Variants in COG5 observed in about 807,000 individuals in gnomAD.
COG5 encodes the protein conserved oligomeric Golgi complex subunit 5.
COG5 carries 86 observed loss-of-function variants against 110.4 expected under a neutral mutation model. The observed-to-expected ratio is 0.78, with a 90% CI of 0.65 to 0.93. COG5 has a LOEUF of 0.93. Among genes scored for constraint, COG5 ranks in the 40% least tolerant of loss-of-function variants. The pLI, the probability that COG5 is intolerant of heterozygous loss-of-function variation, is 0.00. For synonymous variants in COG5, 360 were observed against 334.6 expected, an observed-to-expected ratio of 1.08 and a Z score of -0.83; for missense variants, 1,077 against 987.0, an observed-to-expected ratio of 1.09 and a Z score of -1.22.
intron 5 of COG5, 125 bp from the exon 6 acceptor site, chr7:107,527,482 T>A: frequency 1.0e-6 from 1 of 992,622 alleles, no homozygotes; most frequent in Non-Finnish European, 1.5e-6. Flanking sequence ...TTTACCTATG[T>A]AACAAACCTG....
chr7:107,390,684 G>A (rs779107311), intron 7 of COG5, among the ~76,000 whole-genome samples: 9 of 150,590 alleles, frequency 6.0e-5, no homozygotes, highest in Non-Finnish European at 1.2e-4. Context: ...TTAGACCCCC[G>A]CTCCTGGGGG....
At chr7:107,517,233 G>A (rs1200467266) in intron 6 of COG5, among the ~76,000 whole-genome samples, 1 of 151,960 alleles carries the variant, frequency 6.6e-6, no homozygotes, top group African/African-American at 2.4e-5. Context: ...TCAAGTGGAA[G>A]AAAGGATATC....
chr7:107,558,914 C>CAAAA (rs34483652), intron 1 of COG5, among the ~76,000 whole-genome samples: 18 of 31,150 alleles, frequency 5.8e-4, no homozygotes, highest in East Asian at 1.0e-3. Flanking sequence ...GACTTCATCT[C>CAAAA]AAAAAAAAAA....
intron 6 of COG5, among the ~76,000 whole-genome samples, chr7:107,491,550 T>C (rs1174818877): frequency 1.3e-5 from 2 of 152,204 alleles, no homozygotes; most frequent in East Asian, 1.9e-4. Context: ...GGAAAAAATA[T>C]GGCTTTCATT....
intron 19 of COG5, among the ~76,000 whole-genome samples, chr7:107,228,283 G>T (rs1800510524): frequency 6.7e-6 from 1 of 148,536 alleles, no homozygotes; most frequent in Admixed American, 6.7e-5. Context: ...CTCTAACCTG[G>T]GTGACAGAGT....
chr7:107,323,132 T>C (rs1243116602), intron 11 of COG5, among the ~76,000 whole-genome samples: 2 of 152,210 alleles, frequency 1.3e-5, no homozygotes, highest in African/African-American at 4.8e-5. Flanking sequence ...AATTGGTGAC[T>C]TTTACTGCAT....
intron 6 of COG5, among the ~76,000 whole-genome samples, chr7:107,455,784 G>C (rs757347730): frequency 6.6e-6 from 1 of 151,610 alleles, no homozygotes; most frequent in Non-Finnish European, 1.5e-5. Flanking sequence ...AAACTGTCCA[G>C]AGCAGATCTG....
At chr7:107,406,730 G>GT (rs1278802406) in intron 7 of COG5, among the ~76,000 whole-genome samples, 6 of 152,026 alleles carry the variant, frequency 3.9e-5, no homozygotes, top group Admixed American at 3.3e-4. Context: ...TTTCAAAAAC[G>GT]TTGGTACTGT....
Position 107,211,213 on chromosome 7 carries a change from G to T in COG5, c.2181C>A (p.Phe727Leu). The change falls in exon 20 of 22, where the codon TTC becomes TTA. Residue 727 changes from phenylalanine (F) to leucine (L), a missense_variant. Coordinates refer to ENST00000297135, the MANE Select transcript of COG5 (RefSeq NM_006348.5). ...RMLRSFRPLL[F>L]QASEHVASSP... is the part of the protein sequence containing the mutation. ...TACTGGCTACATGTTCACTTGCCTG[G>T]AAGAGCAGAGGTCTAGACGGGAAAA... 1 of 1,614,058 alleles carries T rather than the reference G, an allele frequency of 6.2e-7. No homozygotes were observed.
At chr7:107,266,098 G>A (rs1271306233) in intron 14 of COG5, among the ~76,000 whole-genome samples, 2 of 151,930 alleles carry the variant, frequency 1.3e-5, no homozygotes, top group Non-Finnish European at 2.9e-5. Flanking sequence ...GTGTGTGTGA[G>A]AGAGTTTGTA....
At chr7:107,523,838 T>C (rs1006309787) in intron 6 of COG5, among the ~76,000 whole-genome samples, 6 of 150,392 alleles carry the variant, frequency 4.0e-5, no homozygotes, top group South Asian at 2.1e-4. Context: ...AAAAAAAGAA[T>C]GTAAACATTA....
At chr7:107,312,320 T>C (rs1808339340) in intron 11 of COG5, among the ~76,000 whole-genome samples, 1 of 152,228 alleles carries the variant, frequency 6.6e-6, no homozygotes, top group African/African-American at 2.4e-5. Context: ...TTGTGTTCTC[T>C]GACAGGACTA....
intron 7 of COG5, among the ~76,000 whole-genome samples, chr7:107,378,544 G>A (rs982317533): frequency 2.0e-5 from 3 of 152,076 alleles, no homozygotes; most frequent in East Asian, 1.9e-4. Flanking sequence ...TAGAAAAATC[G>A]CTAACTAGAA....
chr7:107,248,711 A>G (rs1802249010), intron 16 of COG5, among the ~76,000 whole-genome samples: 1 of 152,160 alleles, frequency 6.6e-6, no homozygotes, highest in Non-Finnish European at 1.5e-5. Flanking sequence ...ACAAATTTCA[A>G]CACCCCCACT....
chr7:107,543,267 G>GA (rs1802178138), intron 5 of COG5, among the ~76,000 whole-genome samples: 1 of 152,130 alleles, frequency 6.6e-6, no homozygotes, highest in South Asian at 2.1e-4. Flanking sequence ...AAGAGAGTAG[G>GA]AAGGACAGTA....
chr7:107,245,049 T>A (rs1357075218), intron 17 of COG5, among the ~76,000 whole-genome samples: 3 of 152,102 alleles, frequency 2.0e-5, no homozygotes, highest in African/African-American at 7.2e-5. Context: ...GGACACGAGA[T>A]TGGTTCAACA....
intron 6 of COG5, among the ~76,000 whole-genome samples, chr7:107,478,754 C>T (rs1250941545): frequency 2.0e-5 from 3 of 151,776 alleles, no homozygotes; most frequent in Non-Finnish European, 2.9e-5. Context: ...AAGGGGGGAA[C>T]AAATGTGTAG....
chr7:107,218,144 A>G (rs1173870469), intron 19 of COG5, among the ~76,000 whole-genome samples: 6 of 152,110 alleles, frequency 3.9e-5, no homozygotes, highest in Non-Finnish European at 1.5e-5. Context: ...AATAAATTTA[A>G]CCATGGAAGT....
At chr7:107,247,831 C>T (rs974872963) in intron 17 of COG5, among the ~76,000 whole-genome samples, 3 of 152,102 alleles carry the variant, frequency 2.0e-5, no homozygotes, top group Non-Finnish European at 4.4e-5. Context: ...GTGTTTGTGG[C>T]TAGGTGTGAT....
Sources: allele counts gnomAD v4.1 joint callset (sites outside exome capture counted in the v4.1 genomes callset), GRCh38; gene constraint gnomAD v4.1.1; transcripts MANE v1.5; gene names NCBI Gene and HGNC (gene_info 2026-07-23, HGNC 2026-07-21).